SDK1: variants seen among roughly 807,000 people sequenced by gnomAD.
SDK1 encodes the protein protein sidekick-1.
A neutral mutation model predicts 245.5 loss-of-function variants in SDK1; 157 were observed. The observed-to-expected ratio is 0.64, with a 90% CI of 0.56 to 0.73. The LOEUF is 0.73. Among genes scored for constraint, SDK1 ranks in the 30% least tolerant of loss-of-function variants. The pLI, the probability that SDK1 is intolerant of heterozygous loss-of-function variation, is 0.00. For synonymous variants in SDK1, 1,647 were observed against 1,278.5 expected (o/e 1.29, Z -6.15); for missense variants, 3,583 against 3,002.3 (o/e 1.19, Z -4.52).
At chr7:3,701,924 C>CAAAAAAAAAAAAAAAAAAAAAAAA (rs58687135) in intron 4 of SDK1, among the ~76,000 whole-genome samples, 1 of 85,682 alleles carries the variant, frequency 1.2e-5, no homozygotes, top group African/African-American at 3.6e-5. Flanking sequence ...CGTGCATAAG[C>CAAAAAAAAAAAAAAAAAAAAAAAA]AAAAAAAAAA....
chr7:3,458,406 C>A (rs2128593993), intron 1 of SDK1, among the ~76,000 whole-genome samples: 1 of 152,140 alleles, frequency 6.6e-6, no homozygotes, highest in African/African-American at 2.4e-5. Context: ...ACATGTATTG[C>A]ACAGATGAAT....
intron 4 of SDK1, among the ~76,000 whole-genome samples, chr7:3,723,700 A>G (rs1244505771): frequency 3.3e-5 from 5 of 151,342 alleles, no homozygotes; most frequent in East Asian, 1.9e-4. Context: ...ATACACGTAC[A>G]TATACATATA....
At chr7:3,531,502 C>G (rs1348953709) in intron 1 of SDK1, among the ~76,000 whole-genome samples, 2 of 152,154 alleles carry the variant, frequency 1.3e-5, no homozygotes, top group East Asian at 3.8e-4. Context: ...CAGCCATATT[C>G]CGAGTCCAGC....
intron 1 of SDK1, among the ~76,000 whole-genome samples, chr7:3,330,857 A>G (rs1048818741): frequency 1.2e-4 from 18 of 148,280 alleles, no homozygotes; most frequent in African/African-American, 2.7e-4. Context: ...CTGTAGTCCT[A>G]TCTACTTGGA....
In SDK1 at chr7:4,042,067, C is replaced by A. The variant is rs141852363; in HGVS notation, c.2603-7281C>A. On this transcript the variant is annotated intron_variant, in intron 17 of 44. Coordinates refer to ENST00000404826, the MANE Select transcript of SDK1 (RefSeq NM_152744.4). ...GACCTCGTGATCCACCCACCTTGGC[C>A]TCCCAAAGTGCTGGGATTACAGGCA... Among the ~76,000 whole-genome samples the A allele has an allele frequency of 4.7e-3, 637 of 136,614 alleles. 192 individuals are homozygous for A. The highest frequency in any genetic ancestry group is 0.02 in the African/African-American group (612 of 29,916). 89.6% of individuals were successfully genotyped at this position (136,614 alleles called of 152,430 possible). A position where few individuals can be genotyped will look rare whatever the true frequency, so the allele number is the denominator to read the frequency against.
rs557338007 is a variant in SDK1 at position 4,119,678 on chromosome 7, A to G, written c.3823+5404A>G. ...AAGAAACATGGTTTCAGGCCAGACC[A>G]TCTGGGCAATCAACAGAAGCAAAAA... On this transcript the variant is annotated intron_variant, in intron 25 of 44. Coordinates refer to ENST00000404826, the MANE Select transcript of SDK1 (RefSeq NM_152744.4). Among the ~76,000 whole-genome samples, 23 of 149,390 alleles carry G rather than the reference A, an allele frequency of 1.5e-4. 1 individual carries two copies. Among genetic ancestry groups the G allele is most frequent in the Non-Finnish European group, 2.2e-4 (15 of 66,866 alleles).
chr7:4,087,796 C>T (rs773758730), intron 22 of SDK1, among the ~76,000 whole-genome samples: 4 of 152,110 alleles, frequency 2.6e-5, no homozygotes, highest in South Asian at 2.1e-4. Context: ...GCTCTGTAGA[C>T]GTGCTTCTTA....
At chr7:3,811,809 C>G (rs1404541817) in intron 4 of SDK1, among the ~76,000 whole-genome samples, 3 of 152,370 alleles carry the variant, frequency 2.0e-5, no homozygotes, top group South Asian at 4.1e-4. Context: ...AGCAGCCATT[C>G]TGTTCCTGAG....
rs75368018 is a variant in SDK1, at chr7:4,182,440, A to T, written c.5098+3854A>T. On this transcript the variant is annotated intron_variant, in intron 35 of 44. Coordinates refer to ENST00000404826, the MANE Select transcript of SDK1 (RefSeq NM_152744.4). Reference sequence around the variant, plus strand: ...CAGAGGGGATCAGAATACCTTTGTCATTCGGGCAAATTGAGGTTCCCAAAC... The same window carrying T: ...CAGAGGGGATCAGAATACCTTTGTCTTTCGGGCAAATTGAGGTTCCCAAAC... Among the ~76,000 whole-genome samples the T allele has an allele frequency of 2.8e-4, 42 of 152,320 alleles. No homozygotes were observed. The East Asian group carries it at 7.9e-3, about 29-fold the overall frequency.
At position 3,301,514 on chromosome 7, in the gene SDK1, C is replaced by T. The variant is rs1779255281; in HGVS notation, c.-73C>T. The T allele has an allele frequency of 5.8e-6, 3 of 515,294 alleles. No homozygotes were observed. The highest frequency in any genetic ancestry group is 7.4e-6 in the Non-Finnish European group (3 of 404,248). The allele number at this position is 515,294 out of a possible 1,614,324, so 31.9% of individuals were successfully genotyped here. A position where few individuals can be genotyped will look rare whatever the true frequency, so the allele number is the denominator to read the frequency against. ...CGCGCCTCCCGCGGAGTGGCCGCGC[C>T]CGCTCGGAGCCGTCCCGCCTGTCCT... is the stretch of plus-strand genomic sequence containing the variant. On this transcript the variant is annotated 5_prime_UTR_variant, in exon 1 of 45. Transcript: ENST00000404826.
intron 5 of SDK1, among the ~76,000 whole-genome samples, chr7:3,916,180 G>A (rs1378891318): frequency 1.3e-5 from 2 of 152,176 alleles, no homozygotes; most frequent in African/African-American, 4.8e-5. Context: ...GAGGCAATGA[G>A]GCCAGTGGTC....
At chr7:4,043,718 T>G (rs1402759712) in intron 17 of SDK1, among the ~76,000 whole-genome samples, 1 of 152,192 alleles carries the variant, frequency 6.6e-6, no homozygotes, top group Non-Finnish European at 1.5e-5. Context: ...TTATTTAAAT[T>G]ATGCAAATTT....
intron 28 of SDK1, among the ~76,000 whole-genome samples, chr7:4,138,572 C>A (rs1779247350): frequency 6.6e-6 from 1 of 151,892 alleles, no homozygotes; most frequent in African/African-American, 2.4e-5. Context: ...CATGGTGAAA[C>A]CCCGTTTCTA....
intron 1 of SDK1, among the ~76,000 whole-genome samples, chr7:3,424,066 C>G (rs1779607268): frequency 6.6e-6 from 1 of 152,056 alleles, no homozygotes; most frequent in Admixed American, 6.6e-5. Flanking sequence ...TGCGCGCCAC[C>G]ATGCCTAGCT....
intron 30 of SDK1, among the ~76,000 whole-genome samples, chr7:4,151,803 T>A (rs1047716013): frequency 1.3e-5 from 2 of 152,202 alleles, no homozygotes; most frequent in African/African-American, 4.8e-5. Flanking sequence ...GAGGCAGAGA[T>A]ATCTTAAGTA....
At chr7:3,869,580 T>C (rs73312036) in intron 5 of SDK1, among the ~76,000 whole-genome samples, 1,891 of 152,276 alleles carry the variant, frequency 0.012, 37 homozygotes, top group African/African-American at 0.043. Flanking sequence ...GCCCGCTGCG[T>C]CCTCTTCCCA....
intron 4 of SDK1, among the ~76,000 whole-genome samples, chr7:3,792,739 T>C (rs1778843578): frequency 6.6e-6 from 1 of 151,266 alleles, no homozygotes; most frequent in Admixed American, 6.6e-5. Context: ...CATCCATCCG[T>C]CCAACTACTA....
chr7:3,434,924 C>T (rs930756402), intron 1 of SDK1, among the ~76,000 whole-genome samples: 4 of 152,176 alleles, frequency 2.6e-5, no homozygotes, highest in East Asian at 1.9e-4. Context: ...GTTTTCTCAT[C>T]TCACAGGTGA....
At chr7:3,757,139 G>C (rs1370099285) in intron 4 of SDK1, among the ~76,000 whole-genome samples, 1 of 151,980 alleles carries the variant, frequency 6.6e-6, no homozygotes, top group African/African-American at 2.4e-5. Flanking sequence ...ACACATTGAG[G>C]GCTCAAAACT....
Sources: gnomAD v4.1 joint callset for allele counts (sites outside exome capture counted in the v4.1 genomes callset) on GRCh38, gnomAD v4.1.1 for gene constraint, MANE v1.5 for transcripts, NCBI Gene and HGNC (gene_info 2026-07-23, HGNC 2026-07-21) for gene names.